Variants in ANK1 observed in about 807,000 individuals in gnomAD.
ANK1 encodes ankyrin-1.
A neutral mutation model predicts 210.4 loss-of-function variants in ANK1; 51 were observed. That is an observed-to-expected ratio of 0.24 (90% CI 0.19 to 0.31). ANK1 has a LOEUF of 0.31. ANK1 is among the 10% of genes least tolerant of loss of function. The pLI, the probability that ANK1 is intolerant of heterozygous loss-of-function variation, is 1.00. For missense variants in ANK1, 2,051 were observed against 2,504.4 expected (o/e 0.82, Z 3.86); for synonymous variants, 967 against 1,025.9 (o/e 0.94, Z 1.10).
At chr8:41,712,040 T>C (rs1826292932) in intron 16 of ANK1, among the ~76,000 whole-genome samples, 1 of 152,110 alleles carries the variant, frequency 6.6e-6, no homozygotes, top group South Asian at 2.1e-4. Context: ...TTCTCCTGCC[T>C]CAGCCTCCCA....
At chr8:41,700,142 A>G (rs1222197057) in intron 22 of ANK1, among the ~76,000 whole-genome samples, 2 of 152,202 alleles carry the variant, frequency 1.3e-5, no homozygotes, top group African/African-American at 4.8e-5. Context: ...AGGAGTGAGC[A>G]CCATGGCTTG....
chr8:41,756,349 T>C (rs930130886), intron 2 of ANK1, among the ~76,000 whole-genome samples: 1 of 149,272 alleles, frequency 6.7e-6, no homozygotes, highest in Non-Finnish European at 1.5e-5. Flanking sequence ...CTTCACCATA[T>C]TGGCCAGGCT....
chr8:41,865,392 A>G (rs1472238181), intron 1 of ANK1, among the ~76,000 whole-genome samples: 1 of 151,962 alleles, frequency 6.6e-6, no homozygotes, highest in Admixed American at 6.6e-5. Context: ...GGTGCCCACC[A>G]TGCCTAACAC....
At chr8:41,769,655 T>C (rs1842606810) in intron 1 of ANK1, among the ~76,000 whole-genome samples, 5 of 152,234 alleles carry the variant, frequency 3.3e-5, no homozygotes, top group Admixed American at 2.6e-4. Context: ...GAGTTGCACA[T>C]TTAAAATGTA....
intron 1 of ANK1, among the ~76,000 whole-genome samples, chr8:41,763,896 T>C (rs1841121403): frequency 3.3e-5 from 4 of 120,294 alleles, no homozygotes; most frequent in Non-Finnish European, 6.9e-5. Context: ...TTTCTTTTTT[T>C]TTTTTTTTTT....
intron 1 of ANK1, among the ~76,000 whole-genome samples, chr8:41,774,107 C>T (rs77324688): frequency 0.038 from 5,741 of 152,182 alleles, 356 homozygotes; most frequent in African/African-American, 0.13. Flanking sequence ...TCTGGGACCA[C>T]CCAGGACCCC....
chr8:41,698,955 C>G (rs1037021870), intron 23 of ANK1, among the ~76,000 whole-genome samples: 1 of 151,738 alleles, frequency 6.6e-6, no homozygotes, highest in African/African-American at 2.4e-5. Flanking sequence ...TGCTGCCACG[C>G]TCAGCTATTT....
At position 41,735,973 on chromosome 8, in the gene ANK1, G is replaced by T. The variant is rs548731379; in HGVS notation, c.130-1904C>A. ...GGTGTGTGTGTAGGGAGAGGGGGTGGTTCACCAAATATTTCCTCATGCAAA... is the reference window on the plus strand; with the variant it reads ...GGTGTGTGTGTAGGGAGAGGGGGTGTTTCACCAAATATTTCCTCATGCAAA... On this transcript the variant is annotated intron_variant, in intron 2 of 42. Transcript: ENST00000289734. Among the ~76,000 whole-genome samples, 7 of 152,142 alleles carry T rather than the reference G, an allele frequency of 4.6e-5. No homozygotes were observed. The East Asian group carries it at 1.2e-3, about 25-fold the overall frequency.
intron 1 of ANK1, among the ~76,000 whole-genome samples, chr8:41,857,613 C>T (rs1812451990): frequency 6.6e-6 from 1 of 152,116 alleles, no homozygotes. Context: ...TGGCACATGC[C>T]TGTAATCCCA....
intron 39 of ANK1, among the ~76,000 whole-genome samples, chr8:41,667,057 A>G (rs560891477): frequency 6.6e-6 from 1 of 152,360 alleles, no homozygotes; most frequent in African/African-American, 2.4e-5. Context: ...GAAGAGACCC[A>G]GTTAAGATCA....
rs749236684 is a variant in ANK1, at chr8:41,704,060, G to A, written c.2276C>T (p.Ser759Phe). ...ACTCACCGAGCTGACCTCGTTTGGG[G>A]AAGCACCGTTTTTCAGAAGCAGAGT... ...IVTLLLKNGASPNEVSSDGTT... is the reference protein window; with the variant it reads ...IVTLLLKNGAFPNEVSSDGTT... The change falls in exon 20 of 43, where the codon TCC (serine) becomes TTC (phenylalanine). Residue 759 changes from serine (S) to phenylalanine (F), a missense_variant. Coordinates refer to ENST00000289734, the MANE Select transcript of ANK1 (RefSeq NM_000037.4). This position sits in a 1 kb window ranked among gnomAD's most constrained non-coding sequence, Gnocchi z 4.1. The A allele has an allele frequency of 1.2e-5, 19 of 1,614,116 alleles. No individual in the cohort carries two copies. The highest frequency in any genetic ancestry group is 1.4e-5 in the Non-Finnish European group (17 of 1,180,026).
intron 1 of ANK1, among the ~76,000 whole-genome samples, chr8:41,887,337 C>T (rs958568126): frequency 2.2e-5 from 3 of 138,724 alleles, no homozygotes; most frequent in African/African-American, 5.5e-5. Context: ...CAGTCTTGAA[C>T]TCCCCTGGGC....
chr8:41,851,951 A>AAG (rs1811328525), intron 1 of ANK1, among the ~76,000 whole-genome samples: 1 of 152,206 alleles, frequency 6.6e-6, no homozygotes, highest in Non-Finnish European at 1.5e-5. Context: ...GAGCACAAGC[A>AAG]AGATCATATT....
intron 1 of ANK1, among the ~76,000 whole-genome samples, chr8:41,765,938 C>T (rs1841686210): frequency 6.6e-6 from 1 of 152,174 alleles, no homozygotes. Flanking sequence ...AGGGCCTCCT[C>T]ACACCTTCTC....
At position 41,714,258 on chromosome 8, in the gene ANK1, C is replaced by T. The variant is rs375436444; in HGVS notation, c.1702-4G>A. 147 of 1,541,150 alleles carry T rather than the reference C, an allele frequency of 9.5e-5. No individual in the cohort carries two copies. In the African/African-American group the frequency reaches 1.7e-3, roughly 18 times the overall value. The stretch of plus-strand genomic sequence containing the variant: ...CGTGCAGGGGGGTCAGGCCATTCTG[C>T]AGGGGACAAAGACAAAAGAGGCCGG... On this transcript the variant is annotated splice_polypyrimidine_tract_variant and splice_region_variant and intron_variant, in intron 15 of 42. Transcript: ENST00000289734.
At chr8:41,728,696 A>G (rs1436554222) in intron 3 of ANK1, among the ~76,000 whole-genome samples, 3 of 152,178 alleles carry the variant, frequency 2.0e-5, no homozygotes, top group Non-Finnish European at 2.9e-5. Context: ...TTTTTCTATT[A>G]TGTATCCATA....
At chr8:41,702,001 T>C (rs781749375) in intron 21 of ANK1, 51 bp downstream of exon 21, 5 of 1,561,134 alleles carry the variant, frequency 3.2e-6, no homozygotes, top group Admixed American at 3.3e-5. Flanking sequence ...GGCACGCCTG[T>C]GCGCCAGGCT....
At chr8:41,836,405 A>C (rs16890886) in intron 1 of ANK1, among the ~76,000 whole-genome samples, 2 of 152,236 alleles carry the variant, frequency 1.3e-5, no homozygotes, top group East Asian at 3.9e-4. Context: ...AGCAGGGACC[A>C]TGTGACTAGA....
intron 2 of ANK1, among the ~76,000 whole-genome samples, chr8:41,740,518 G>T (rs1180973182): frequency 6.6e-6 from 1 of 152,066 alleles, no homozygotes; most frequent in Admixed American, 6.6e-5. Context: ...CCCTCCCCTA[G>T]GAGTCCCAAG....
Sources: gnomAD v4.1 joint callset for allele counts (sites outside exome capture counted in the v4.1 genomes callset) on GRCh38, gnomAD v4.1.1 for gene constraint, Gnocchi (gnomAD v3.1) non-coding constraint, MANE v1.5 for transcripts, NCBI Gene and HGNC (gene_info 2026-07-23, HGNC 2026-07-21) for gene names.